Variants in MYO9A observed in about 807,000 individuals in gnomAD.
MYO9A encodes myosin IXA.
MYO9A carries 103 observed loss-of-function variants against 293.3 expected under a neutral mutation model. The observed-to-expected ratio is 0.35, with a 90% CI of 0.30 to 0.41. MYO9A has a LOEUF of 0.41. MYO9A is among the 10% of genes least tolerant of loss of function. MYO9A has a pLI of 1.00. For synonymous variants in MYO9A, 1,001 were observed against 1,035.7 expected (o/e 0.97, Z 0.64); for missense variants, 2,685 against 3,033.0 (o/e 0.89, Z 2.69).
chr15:71,955,110 A>C (rs1243225541), intron 14 of MYO9A, among the ~76,000 whole-genome samples: 1 of 150,598 alleles, frequency 6.6e-6, no homozygotes, highest in Non-Finnish European at 1.5e-5. Flanking sequence ...TCAAGTTCTG[A>C]TTTGTCACAA....
At chr15:72,091,799 C>T (rs999779917) in intron 1 of MYO9A, among the ~76,000 whole-genome samples, 2 of 151,642 alleles carry the variant, frequency 1.3e-5, no homozygotes, top group Non-Finnish European at 2.9e-5. Flanking sequence ...CTGCAAGCTC[C>T]GCCTCCCAGG....
intron 26 of MYO9A, chr15:71,889,719 A>G (rs2142976109): frequency 6.6e-6 from 1 of 152,228 alleles, no homozygotes; most frequent in Non-Finnish European, 1.5e-5. Context: ...CTGTTAGATA[A>G]AAGGTTTAAA....
At chr15:71,828,068 G>GTGGAAGGAAGATAA (rs1231638124) in intron 40 of MYO9A, 42 bp from the exon 41 acceptor site, 3 of 1,584,566 alleles carry the variant, frequency 1.9e-6, no homozygotes, top group Non-Finnish European at 2.6e-6. Flanking sequence ...TTGATAGGAA[G>GTGGAAGGAAGATAA]TGGAAGGAAG....
chr15:71,838,904 T>G (rs1460970518), intron 39 of MYO9A, among the ~76,000 whole-genome samples: 1 of 152,208 alleles, frequency 6.6e-6, no homozygotes, highest in Non-Finnish European at 1.5e-5. Context: ...TCTTAAAAGC[T>G]GTGTTTTCAG....
At chr15:71,879,392 T>C (rs1044109576) in intron 30 of MYO9A, among the ~76,000 whole-genome samples, 1 of 152,000 alleles carries the variant, frequency 6.6e-6, no homozygotes, top group African/African-American at 2.4e-5. Flanking sequence ...AGCCTAGCAA[T>C]AGAGCTAAAA....
At chr15:72,056,604 G>A (rs2078725971) in intron 1 of MYO9A, among the ~76,000 whole-genome samples, 1 of 152,204 alleles carries the variant, frequency 6.6e-6, no homozygotes, top group Non-Finnish European at 1.5e-5. Flanking sequence ...GGTGGGAGGT[G>A]GGTGAGGGAT....
chr15:71,938,934 A>C lies in MYO9A; in HGVS notation c.2303-7T>G, dbSNP rs1475326319. On this transcript the variant is annotated splice_polypyrimidine_tract_variant and splice_region_variant and intron_variant, in intron 15 of 41. Coordinates refer to ENST00000356056, the MANE Select transcript of MYO9A (RefSeq NM_006901.4). ...GGATTTTTCCGGGTTATACCTAGCA[A>C]AATTTAAAAAACAGAAAATTTCAAA... The C allele has an allele frequency of 6.2e-7, 1 of 1,601,468 alleles. No individual in the cohort carries two copies. The highest frequency in any genetic ancestry group is 1.3e-5 in the African/African-American group (1 of 74,356).
At chr15:72,050,855 T>C (rs975664913) in intron 1 of MYO9A, among the ~76,000 whole-genome samples, 9 of 152,196 alleles carry the variant, frequency 5.9e-5, no homozygotes, top group African/African-American at 1.9e-4. Context: ...TTCCACAGAG[T>C]TGGTAATCCA....
chr15:71,910,130 GTA>G (rs1209943568), intron 19 of MYO9A, among the ~76,000 whole-genome samples: 6 of 133,340 alleles, frequency 4.5e-5, no homozygotes, highest in East Asian at 4.2e-4. Context: ...ATATACACGT[GTA>G]TATATATATA....
intron 3 of MYO9A, among the ~76,000 whole-genome samples, chr15:72,029,459 T>C (rs1405832816): frequency 2.0e-5 from 3 of 152,176 alleles, no homozygotes; most frequent in Non-Finnish European, 4.4e-5. Context: ...TAGGCAACTG[T>C]AACACAATGG....
Position 71,935,436 on chromosome 15 carries a change from G to A in MYO9A, c.2427C>T (p.Ser809=), listed in dbSNP as rs1416857493. The A allele has an allele frequency of 1.9e-5, 31 of 1,613,476 alleles. No homozygotes were observed. The highest frequency in any genetic ancestry group is 2.5e-5 in the Non-Finnish European group (30 of 1,179,670). Reference sequence around the variant, plus strand: ...GCAAGGAGGTGCCACTTGATAGTCTGCTCTGGCGAATCCCAGTTCTGCCAT... The same window carrying A: ...GCAAGGAGGTGCCACTTGATAGTCTACTCTGGCGAATCCCAGTTCTGCCAT... ...AWNGRTGIRQ[S]RLSSGTSLLD... is the part of the protein sequence containing the mutation. Residue 809 remains serine (S), a synonymous_variant, in exon 17 of 42, where the codon AGC becomes AGT. Transcript: ENST00000356056.
In MYO9A at chr15:72,042,058, C is replaced by T. The variant is rs28552371; in HGVS notation, c.840+3666G>A. On this transcript the variant is annotated intron_variant, in intron 2 of 41. Coordinates refer to ENST00000356056, the MANE Select transcript of MYO9A (RefSeq NM_006901.4). ...GTTCTACACAACTCTTCCAAAAATA[C>T]GAGGAGAAAAGACTTCCCAATTCAT... 7.5e-3 allele frequency among the ~76,000 whole-genome samples: 1,100 copies of T among 146,348 alleles called. 16 individuals are homozygous for T. Among genetic ancestry groups the T allele is most frequent in the African/African-American group, 0.026 (1,023 of 39,936 alleles).
At chr15:71,940,991 T>C (rs1264200359) in intron 15 of MYO9A, among the ~76,000 whole-genome samples, 1 of 151,862 alleles carries the variant, frequency 6.6e-6, no homozygotes, top group Non-Finnish European at 1.5e-5. Flanking sequence ...TTCTAGACAA[T>C]AGATTAGGCA....
chr15:71,826,931 C>A lies in MYO9A; in HGVS notation c.7296G>T (p.Ser2432=). The A allele has an allele frequency of 6.2e-7, 1 of 1,613,980 alleles. No homozygotes were observed. Among genetic ancestry groups the A allele is most frequent in the African/African-American group, 1.3e-5 (1 of 75,020 alleles). ...QQDSLDVVDS[S]VSSLCLSNTA... ...TGTTAGACAGACATAAAGAGGAGAC[C>A]GAAGAGTCCACGACATCTAAAGAGT... is the stretch of plus-strand genomic sequence containing the variant. The change falls in exon 42 of 42, where the codon TCG becomes TCT. Residue 2432 remains serine, a synonymous_variant. Transcript: ENST00000356056.
intron 1 of MYO9A, among the ~76,000 whole-genome samples, chr15:72,071,906 C>G (rs939242160): frequency 1.3e-5 from 2 of 151,638 alleles, no homozygotes; most frequent in Admixed American, 1.3e-4. Context: ...ATTTTTCTAT[C>G]AAAAAGATAC....
chr15:72,015,683 GTTTTTTTTTTT>G (rs10708457), intron 6 of MYO9A, among the ~76,000 whole-genome samples: 8 of 113,478 alleles, frequency 7.0e-5, no homozygotes, highest in African/African-American at 3.0e-4. Context: ...CTCAGATCAG[GTTTTTTTTTTT>G]TTTTTTTTTT....
intron 1 of MYO9A, among the ~76,000 whole-genome samples, chr15:72,065,764 G>A (rs1596495592): frequency 6.6e-6 from 1 of 151,942 alleles, no homozygotes; most frequent in African/African-American, 2.4e-5. Flanking sequence ...TAAGAAAACT[G>A]CCCAATCTTT....
intron 12 of MYO9A, among the ~76,000 whole-genome samples, chr15:71,973,491 A>G (rs1404667895): frequency 3.3e-5 from 5 of 152,116 alleles, no homozygotes; most frequent in Non-Finnish European, 7.4e-5. Context: ...CTACTAAGCA[A>G]TCTCAGACAT....
chr15:71,852,633 G>A (rs2055703410), intron 35 of MYO9A, among the ~76,000 whole-genome samples: 1 of 152,112 alleles, frequency 6.6e-6, no homozygotes, highest in Non-Finnish European at 1.5e-5. Context: ...AAAGTGGAGG[G>A]ATTACAGGCG....
Sources: allele counts gnomAD v4.1 joint callset (sites outside exome capture counted in the v4.1 genomes callset), GRCh38; gene constraint gnomAD v4.1.1; transcripts MANE v1.5; gene names NCBI Gene and HGNC (gene_info 2026-07-23, HGNC 2026-07-21).